The following MROH1 variants were observed in gnomAD, a reference collection of about 807,000 sequenced individuals.
MROH1 encodes the protein maestro heat like repeat family member 1.
A neutral mutation model predicts 116.5 loss-of-function variants in MROH1; 117 were observed. That is an observed-to-expected ratio of 1.00 (90% CI 0.86 to 1.17). The LOEUF (loss-of-function observed/expected upper bound fraction) is 1.17. Among genes scored for constraint, MROH1 ranks in the 50% most tolerant of loss-of-function variants. The pLI is 0.00. For missense variants in MROH1, 1,873 were observed against 1,338.5 expected (o/e 1.40, Z -6.23); for synonymous variants, 921 against 583.9 (o/e 1.58, Z -8.32).
chr8:144,155,284 TTTC>T (rs1817766793), intron 1 of MROH1, among the ~76,000 whole-genome samples: 1 of 152,250 alleles, frequency 6.6e-6, no homozygotes, highest in Non-Finnish European at 1.5e-5. Context: ...TGTTTAGATT[TTTC>T]TTGACTGCAG....
At chr8:144,177,252 G>T (rs1034482925) in intron 4 of MROH1, among the ~76,000 whole-genome samples, 1 of 152,184 alleles carries the variant, frequency 6.6e-6, no homozygotes, top group African/African-American at 2.4e-5. Flanking sequence ...AGATAGTTGC[G>T]TGATTCTGAA....
At chr8:144,206,957 C>T (rs12541214) in intron 12 of MROH1, among the ~76,000 whole-genome samples, 16,106 of 150,064 alleles carry the variant, frequency 0.11, 1,883 homozygotes, top group African/African-American at 0.29. Context: ...TGCTTGAACC[C>T]GGGCGGCAGA....
Position 144,180,402 on chromosome 8 carries a change from T to C in MROH1, c.464-23T>C. 2 of 1,612,380 alleles carry C rather than the reference T, an allele frequency of 1.2e-6. No homozygotes were observed. The highest frequency in any genetic ancestry group is 1.7e-6 in the Non-Finnish European group (2 of 1,179,610). On this transcript the variant is annotated intron_variant, in intron 6 of 43. Coordinates refer to ENST00000326134, the MANE Select transcript of MROH1 (RefSeq NM_032450.3). This position sits in a 1 kb window ranked among gnomAD's most constrained non-coding sequence, Gnocchi z 7.4. ...GGCGCTGGAAGCCTTGGCGGAGGCCTTTGACGGTGTCCTCTCTCACAGCGT... is the reference window on the plus strand; with the variant it reads ...GGCGCTGGAAGCCTTGGCGGAGGCCCTTGACGGTGTCCTCTCTCACAGCGT...
chr8:144,238,719 C>T (rs1840462442), intron 14 of MROH1, 37 bp from the exon 15 acceptor site: 3 of 764,790 alleles, frequency 3.9e-6, no homozygotes, highest in Non-Finnish European at 7.2e-6. Context: ...AGAGCCATGG[C>T]CGCCCACGCA....
intron 33 of MROH1, among the ~76,000 whole-genome samples, chr8:144,253,329 C>T (rs970646074): frequency 1.6e-4 from 25 of 152,218 alleles, no homozygotes; most frequent in African/African-American, 4.1e-4. Flanking sequence ...CGGAAGCAGC[C>T]GCTCCGTCCA....
chr8:144,235,310 A>G (rs1025889213), intron 14 of MROH1, among the ~76,000 whole-genome samples: 1 of 152,162 alleles, frequency 6.6e-6, no homozygotes, highest in South Asian at 2.1e-4. Flanking sequence ...ATCTACAACT[A>G]TAGTTTTACT....
At chr8:144,212,534 C>G (rs906716429) in intron 12 of MROH1, among the ~76,000 whole-genome samples, 2 of 149,948 alleles carry the variant, frequency 1.3e-5, no homozygotes, top group East Asian at 3.9e-4. Context: ...GTTGATACTT[C>G]CAGTTCAACA....
chr8:144,164,742 GA>G (rs1034907382), intron 3 of MROH1, among the ~76,000 whole-genome samples: 2 of 149,388 alleles, frequency 1.3e-5, no homozygotes, highest in African/African-American at 2.5e-5. Context: ...GTTTTCATCA[GA>G]AAAAAAAAAT....
At chr8:144,260,633 G>A (rs983357582) in intron 39 of MROH1, 44 bp from the exon 40 acceptor site, 16 of 773,348 alleles carry the variant, frequency 2.1e-5, no homozygotes, top group African/African-American at 1.4e-4. Context: ...CAGGCCTGCA[G>A]GGGCACAGCC....
chr8:144,157,977 A>AATTTT (rs1818570093), intron 1 of MROH1, among the ~76,000 whole-genome samples: 1 of 127,774 alleles, frequency 7.8e-6, no homozygotes, highest in Admixed American at 8.1e-5. Flanking sequence ...GCGCCTGGCC[A>AATTTT]TCTATTTCTT....
intron 8 of MROH1, 48 bp downstream of exon 8, chr8:144,190,983 C>G: frequency 6.4e-7 from 1 of 1,564,682 alleles, no homozygotes; most frequent in East Asian, 2.3e-5. Flanking sequence ...AGGGCTCTCT[C>G]CTCCCCACAT....
chr8:144,156,105 C>T (rs1316334900), intron 1 of MROH1, among the ~76,000 whole-genome samples: 9 of 151,940 alleles, frequency 5.9e-5, no homozygotes, highest in African/African-American at 1.4e-4. Flanking sequence ...GGGCGTGGGG[C>T]GCATGTCTGT....
intron 14 of MROH1, among the ~76,000 whole-genome samples, chr8:144,230,502 CTT>C (rs111658619): frequency 2.3e-5 from 3 of 132,360 alleles, no homozygotes; most frequent in African/African-American, 2.7e-5. Flanking sequence ...TCATTTCTGG[CTT>C]TTTTTTTTTT....
chr8:144,152,963 T>C (rs1817200545), intron 1 of MROH1, among the ~76,000 whole-genome samples: 1 of 152,192 alleles, frequency 6.6e-6, no homozygotes, highest in East Asian at 1.9e-4. Context: ...AATTGATCTC[T>C]TGAATTTATT....
intron 1 of MROH1, chr8:144,148,843 G>T (rs1816044622): frequency 6.5e-6 from 1 of 152,828 alleles, no homozygotes; most frequent in African/African-American, 2.4e-5. Context: ...TGCCTGCTCA[G>T]TTGGGGAAGG....
chr8:144,254,173 T>TGTTC (rs1843299174), intron 33 of MROH1, among the ~76,000 whole-genome samples: 7 of 152,230 alleles, frequency 4.6e-5, no homozygotes, highest in Non-Finnish European at 1.0e-4. Context: ...TTTATCTTCC[T>TGTTC]ATTCACTGGG....
intron 14 of MROH1, among the ~76,000 whole-genome samples, chr8:144,229,287 A>G (rs898599337): frequency 6.6e-6 from 1 of 152,100 alleles, no homozygotes; most frequent in African/African-American, 2.4e-5. Context: ...TATCTACTAT[A>G]GTGAATCCTT....
At chr8:144,200,616 C>T in intron 12 of MROH1, 75 bp downstream of exon 12, 1 of 1,040,232 alleles carries the variant, frequency 9.6e-7, no homozygotes, top group Non-Finnish European at 1.5e-6. Context: ...CAGATTGTGT[C>T]CCTCTAAGTG....
At chr8:144,253,979 CCT>C (rs1244219124) in intron 33 of MROH1, among the ~76,000 whole-genome samples, 5 of 152,030 alleles carry the variant, frequency 3.3e-5, no homozygotes, top group African/African-American at 7.2e-5. Flanking sequence ...TTCAGGGCTC[CCT>C]GTCTGTAGGT....
Sources: gnomAD v4.1 joint callset for allele counts (sites outside exome capture counted in the v4.1 genomes callset) on GRCh38, gnomAD v4.1.1 for gene constraint, Gnocchi (gnomAD v3.1) non-coding constraint, MANE v1.5 for transcripts, NCBI Gene and HGNC (gene_info 2026-07-23, HGNC 2026-07-21) for gene names.